BBS9: variants seen among roughly 807,000 people sequenced by gnomAD.
BBS9 encodes Bardet-Biedl syndrome 9.
BBS9 carries 89 observed loss-of-function variants against 117.7 expected under a neutral mutation model. The ratio of observed to expected loss-of-function variants is 0.76; its 90% CI spans 0.64 to 0.90. The LOEUF (loss-of-function observed/expected upper bound fraction) is 0.90, where lower values mean the gene tolerates loss of function less well. BBS9 is among the 40% of genes least tolerant of loss of function. The probability of loss-of-function intolerance (pLI) is 0.00; values close to 1 mark genes in which losing one functional copy is unlikely to be tolerated. For missense variants in BBS9, 982 were observed against 1,042.2 expected (o/e 0.94, Z 0.80); for synonymous variants, 379 against 370.9 (o/e 1.02, Z -0.25).
chr7:33,223,116 A>G (rs1256986667), intron 5 of BBS9, among the ~76,000 whole-genome samples: 2 of 152,048 alleles, frequency 1.3e-5, no homozygotes, highest in Admixed American at 6.5e-5. Flanking sequence ...TTAATTATAT[A>G]TACATTTATT....
intron 17 of BBS9, among the ~76,000 whole-genome samples, chr7:33,382,720 G>A (rs942579043): frequency 2.3e-4 from 35 of 152,132 alleles, no homozygotes; most frequent in Admixed American, 2.2e-3. Context: ...ATGAGAAAGT[G>A]AATGTAAAGT....
At chr7:33,450,627 T>C (rs1837666139) in intron 19 of BBS9, among the ~76,000 whole-genome samples, 1 of 152,222 alleles carries the variant, frequency 6.6e-6, no homozygotes, top group Non-Finnish European at 1.5e-5. Context: ...TGATTACTGA[T>C]GTTGAGCATC....
chr7:33,168,520 G>T (rs1338592628), intron 4 of BBS9, among the ~76,000 whole-genome samples: 1 of 151,772 alleles, frequency 6.6e-6, no homozygotes, highest in Non-Finnish European at 1.5e-5. Context: ...ACAAATTTTT[G>T]TTCAAAAGAG....
chr7:33,570,862 C>T (rs916231509), intron 21 of BBS9, among the ~76,000 whole-genome samples: 2 of 152,128 alleles, frequency 1.3e-5, no homozygotes, highest in Non-Finnish European at 2.9e-5. Context: ...GAAAATAATT[C>T]GTCAGTATGC....
intron 20 of BBS9, among the ~76,000 whole-genome samples, chr7:33,522,523 T>C (rs1158969278): frequency 1.2e-4 from 18 of 152,136 alleles, no homozygotes; most frequent in Non-Finnish European, 2.2e-4. Flanking sequence ...TTTCATGTGT[T>C]TTTTGGCTGC....
At position 33,349,040 on chromosome 7, in the gene BBS9, C is replaced by T; in HGVS notation, c.1330-28C>T. ...ATCAGTTTGAATAAAATGTAATTTT[C>T]TATTGATAACAATTTCTGTTTCCTT... On this transcript the variant is annotated intron_variant, in intron 12 of 22. Coordinates refer to ENST00000242067, the MANE Select transcript of BBS9 (RefSeq NM_198428.3). 6 of 1,440,120 alleles carry T rather than the reference C, an allele frequency of 4.2e-6. 1 individual carries two copies. The South Asian group carries it at 6.9e-5, about 16-fold the overall frequency. The allele number at this position is 1,440,120 out of a possible 1,614,324, so 89.2% of individuals were successfully genotyped here.
chr7:33,139,098 C>A (rs962009967), intron 1 of BBS9, among the ~76,000 whole-genome samples: 1 of 150,756 alleles, frequency 6.6e-6, no homozygotes, highest in African/African-American at 2.4e-5. Context: ...ACTAAAAATA[C>A]AAAATTAGCT....
chr7:33,547,379 CA>C (rs1853570983), intron 21 of BBS9, among the ~76,000 whole-genome samples: 1 of 152,056 alleles, frequency 6.6e-6, no homozygotes, highest in African/African-American at 2.4e-5. Context: ...GGTGGTATAG[CA>C]AGATGAGAGT....
chr7:33,442,759 A>G (rs1836404488), intron 19 of BBS9, among the ~76,000 whole-genome samples: 1 of 152,024 alleles, frequency 6.6e-6, no homozygotes, highest in South Asian at 2.1e-4. Flanking sequence ...TAATGTGATC[A>G]CCTTTTTTTT....
At chr7:33,396,309 G>A (rs943091107) in intron 19 of BBS9, among the ~76,000 whole-genome samples, 1 of 151,956 alleles carries the variant, frequency 6.6e-6, no homozygotes, top group African/African-American at 2.4e-5. Flanking sequence ...TATTTGAAGT[G>A]ATATTTCATA....
At chr7:33,529,711 G>A (rs1850270680) in intron 20 of BBS9, among the ~76,000 whole-genome samples, 2 of 150,348 alleles carry the variant, frequency 1.3e-5, no homozygotes, top group South Asian at 4.2e-4. Context: ...ACAGCAAATT[G>A]TGGATTTGAG....
At chr7:33,490,508 G>GA (rs1585006861) in intron 19 of BBS9, among the ~76,000 whole-genome samples, 1 of 151,994 alleles carries the variant, frequency 6.6e-6, no homozygotes, top group Admixed American at 6.6e-5. Context: ...TTTTATAGTT[G>GA]AAAATCACTT....
chr7:33,584,050 A>C (rs931638089), intron 21 of BBS9, among the ~76,000 whole-genome samples: 3 of 152,032 alleles, frequency 2.0e-5, no homozygotes, highest in Non-Finnish European at 4.4e-5. Context: ...TTAAAGGAAC[A>C]TTCCTGGCAG....
At chr7:33,480,932 A>G (rs1251472370) in intron 19 of BBS9, among the ~76,000 whole-genome samples, 1 of 150,646 alleles carries the variant, frequency 6.6e-6, no homozygotes, top group African/African-American at 2.4e-5. Context: ...CCAGCCCCCC[A>G]CAGCCATGTA....
chr7:33,336,182 T>G (rs187394193), intron 9 of BBS9, among the ~76,000 whole-genome samples: 235 of 152,338 alleles, frequency 1.5e-3, no homozygotes, highest in Admixed American at 2.8e-3. Flanking sequence ...GCTTTGTAGT[T>G]AGGTCCCCAA....
intron 9 of BBS9, among the ~76,000 whole-genome samples, chr7:33,283,263 G>T (rs1009414942): frequency 2.6e-5 from 4 of 152,074 alleles, no homozygotes; most frequent in Non-Finnish European, 5.9e-5. Context: ...TTTGAAAGTT[G>T]CTGTGGAAAA....
At chr7:33,279,054 T>C (rs1253542641) in intron 9 of BBS9, among the ~76,000 whole-genome samples, 11 of 152,254 alleles carry the variant, frequency 7.2e-5, no homozygotes, top group Admixed American at 6.5e-4. Context: ...TATTTATTTT[T>C]AGAGACAGGG....
chr7:33,415,114 C>T (rs1831771976), intron 19 of BBS9, among the ~76,000 whole-genome samples: 1 of 152,064 alleles, frequency 6.6e-6, no homozygotes, highest in Admixed American at 6.5e-5. Context: ...CAATGACCTT[C>T]ATGGTGGGCT....
intron 21 of BBS9, among the ~76,000 whole-genome samples, chr7:33,618,156 A>T (rs1485129847): frequency 3.7e-4 from 56 of 152,290 alleles, no homozygotes; most frequent in Middle Eastern, 3.4e-3. Flanking sequence ...CCTGGGCAAC[A>T]TAGTGAGACT....
Sources: allele counts gnomAD v4.1 joint callset (sites outside exome capture counted in the v4.1 genomes callset), GRCh38; gene constraint gnomAD v4.1.1; transcripts MANE v1.5; gene names NCBI Gene and HGNC (gene_info 2026-07-23, HGNC 2026-07-21).